CHD1L: variants seen among roughly 807,000 people sequenced by gnomAD.
The protein encoded by CHD1L is chromodomain helicase DNA binding protein 1 like, also known as ATP-dependent chromatin remodeler CHD1L.
In CHD1L, 118 loss-of-function variants were observed where a neutral mutation model predicts 115.9. The ratio of observed to expected loss-of-function variants is 1.02; its 90% CI spans 0.88 to 1.19. The LOEUF (loss-of-function observed/expected upper bound fraction) is 1.19. Ranked by LOEUF, CHD1L falls within the 50% of genes most tolerant of loss-of-function variation. The pLI is 0.00. For missense variants in CHD1L, 1,179 were observed against 1,065.3 expected, an observed-to-expected ratio of 1.11 and a Z score of -1.49; for synonymous variants, 411 against 387.1, an observed-to-expected ratio of 1.06 and a Z score of -0.72.
chr1:147,228,871 G>A, the CHD1L span, among the ~76,000 whole-genome samples: 1 of 151,904 alleles, frequency 6.6e-6, no homozygotes, highest in Non-Finnish European at 1.5e-5. Context: ...TTTTTTTCTT[G>A]TAAATTTGTT....
chr1:147,282,057 C>A (rs1391227380), intron 15 of CHD1L, among the ~76,000 whole-genome samples: 2 of 152,168 alleles, frequency 1.3e-5, no homozygotes, highest in East Asian at 3.9e-4. Context: ...GTTTGGGGAT[C>A]TCTTGTTCTC....
At position 147,264,516 on chromosome 1, in the gene CHD1L, T is replaced by C. The variant is rs955249999; in HGVS notation, c.671T>C (p.Leu224Pro). Residue 224 changes from leucine to proline, a missense_variant, in exon 7 of 23, where the codon CTC becomes CCC. By Grantham distance (98) the Leu-to-Pro change is moderately conservative. Coordinates refer to ENST00000369258, the MANE Select transcript of CHD1L (RefSeq NM_004284.6). ...CTCCTCAGTTTTGTGGAGCCTGATC[T>C]CTTTTCCAAGGAAGAGGTGGGAGAT... is the stretch of plus-strand genomic sequence containing the variant. ...YSLLSFVEPD[L>P]FSKEEVGDFI... 3.7e-6 allele frequency: 6 copies of C among 1,613,886 alleles called. No homozygotes were observed. Among genetic ancestry groups the C allele is most frequent in the Admixed American group, 3.3e-5 (2 of 60,002 alleles).
chr1:147,272,450 G>A, intron 12 of CHD1L, 169 bp downstream of exon 12: 3 of 515,002 alleles, frequency 5.8e-6, no homozygotes, highest in African/African-American at 1.9e-5. Context: ...TATCCAGCCT[G>A]TCCAAACTGT....
the CHD1L span, chr1:147,186,819 CTG>C: frequency 6.6e-7 from 1 of 1,519,998 alleles, no homozygotes; most frequent in Non-Finnish European, 8.8e-7. Flanking sequence ...CAATATGAAA[CTG>C]AGAGTCAATC....
the CHD1L span, among the ~76,000 whole-genome samples, chr1:147,193,748 T>C: frequency 6.6e-6 from 1 of 152,134 alleles, no homozygotes; most frequent in Admixed American, 6.6e-5. Flanking sequence ...TTATTTCTGC[T>C]TTCGTTTCGT....
the CHD1L span, among the ~76,000 whole-genome samples, chr1:147,185,200 A>G: frequency 1.3e-5 from 2 of 151,990 alleles, no homozygotes; most frequent in African/African-American, 4.8e-5. Context: ...CTTGCATATA[A>G]TATGTACAAT....
chr1:147,291,590 A>G (rs1361991543), intron 20 of CHD1L, 38 bp downstream of exon 20: 38 of 1,522,978 alleles, frequency 2.5e-5, no homozygotes, highest in Non-Finnish European at 3.5e-5. Context: ...CTACAAGTGG[A>G]CTCACATCAA....
chr1:147,201,924 T>C, the CHD1L span, among the ~76,000 whole-genome samples: 3 of 152,212 alleles, frequency 2.0e-5, no homozygotes, highest in Non-Finnish European at 4.4e-5. Context: ...GCCACTGTTT[T>C]CCAAACTGTA....
chr1:147,260,286 C>T (rs1671493640), intron 6 of CHD1L: 1 of 158,486 alleles, frequency 6.3e-6, no homozygotes, highest in Non-Finnish European at 1.4e-5. Context: ...GTTTCACTGC[C>T]CTAAAAATCC....
the CHD1L span, chr1:147,204,549 G>A: frequency 6.3e-7 from 1 of 1,582,806 alleles, no homozygotes; most frequent in African/African-American, 1.3e-5. Flanking sequence ...AACCTTCTAT[G>A]ACCTCTGAAA....
chr1:147,275,508 C>T, intron 13 of CHD1L, 40 bp downstream of exon 13: 1 of 1,496,282 alleles, frequency 6.7e-7, no homozygotes, highest in Non-Finnish European at 9.3e-7. Context: ...TGCCCAGCAG[C>T]AGTTCTGGGT....
At chr1:147,216,881 T>C in the CHD1L span, among the ~76,000 whole-genome samples, 1 of 152,166 alleles carries the variant, frequency 6.6e-6, no homozygotes, top group East Asian at 1.9e-4. Context: ...ATGCACTGCA[T>C]TAAATGACAT....
rs782217293 is a variant in CHD1L, at chr1:147,293,741, G to A, written c.2506+19G>A. The A allele has an allele frequency of 1.3e-6, 2 of 1,583,668 alleles. No homozygotes were observed. Among genetic ancestry groups the A allele is most frequent in the East Asian group, 4.5e-5 (2 of 44,710 alleles). On this transcript the variant is annotated intron_variant, in intron 21 of 22. Coordinates refer to ENST00000369258, the MANE Select transcript of CHD1L (RefSeq NM_004284.6). Reference sequence around the variant, plus strand: ...AAGAAAGGTAAGCTCTTCCACCTGTGCTCAAGAGTAGATGAATTTGTTTCT... The same window carrying A: ...AAGAAAGGTAAGCTCTTCCACCTGTACTCAAGAGTAGATGAATTTGTTTCT...
At chr1:147,218,907 G>C in the CHD1L span, among the ~76,000 whole-genome samples, 152,254 of 152,312 alleles carry the variant, frequency 1, 76,098 homozygotes, top group Middle Eastern at 1. Flanking sequence ...ATTAGATTCC[G>C]CTATTCATCC....
chr1:147,255,263 T>C (rs1669713257), intron 3 of CHD1L, among the ~76,000 whole-genome samples: 1 of 152,246 alleles, frequency 6.6e-6, no homozygotes, highest in African/African-American at 2.4e-5. Flanking sequence ...GTTTTGCTCT[T>C]GTTGCCCAGG....
In CHD1L at chr1:147,294,423, C is replaced by G. The variant is rs1553974416; in HGVS notation, c.2521C>G (p.Pro841Ala). 1 of 1,610,848 alleles carries G rather than the reference C, an allele frequency of 6.2e-7. No homozygotes were observed. Among genetic ancestry groups the G allele is most frequent in the Admixed American group, 1.7e-5 (1 of 59,380 alleles). ...AKKKKASVHL[P>A]RIGHATKGFN... ...CTTCATAATAGCAAGTGTTCATCTT[C>G]CACGTATTGGACATGCCACGAAAGG... The change falls in exon 22 of 23, where the codon CCA (proline) becomes GCA (alanine). Residue 841 changes from proline (P) to alanine (A), a missense_variant. By Grantham distance (27) the Pro-to-Ala change is conservative. Transcript: ENST00000369258.
intron 1 of CHD1L, among the ~76,000 whole-genome samples, chr1:147,243,768 T>A (rs1665696199): frequency 6.6e-6 from 1 of 152,138 alleles, no homozygotes; most frequent in African/African-American, 2.4e-5. Context: ...GCTACAAAGA[T>A]GAGCAAAACA....
chr1:147,287,283 C>T (rs890723959), intron 18 of CHD1L, among the ~76,000 whole-genome samples: 1 of 152,148 alleles, frequency 6.6e-6, no homozygotes, highest in Non-Finnish European at 1.5e-5. Context: ...CATAACCTTG[C>T]CTATGTGCTG....
At chr1:147,202,554 G>A in the CHD1L span, among the ~76,000 whole-genome samples, 3 of 152,014 alleles carry the variant, frequency 2.0e-5, no homozygotes, top group South Asian at 6.2e-4. Context: ...TCCTGACCTC[G>A]TGATCCTCCC....
Sources: allele counts gnomAD v4.1 joint callset (sites outside exome capture counted in the v4.1 genomes callset), GRCh38; gene constraint gnomAD v4.1.1; transcripts MANE v1.5; gene names NCBI Gene and HGNC (gene_info 2026-07-23, HGNC 2026-07-21).